The following ANKFN1 variants were observed in gnomAD, a reference collection of about 807,000 sequenced individuals.
ANKFN1 encodes ankyrin repeat and fibronectin type III domain containing 1, also known as ankyrin repeat and fibronectin type-III domain-containing protein 1.
ANKFN1 carries 74 observed loss-of-function variants against 108.7 expected under a neutral mutation model. That is an observed-to-expected ratio of 0.68 (90% confidence interval 0.56 to 0.83). The LOEUF (loss-of-function observed/expected upper bound fraction) is 0.83. Among genes scored for constraint, ANKFN1 ranks in the 40% least tolerant of loss-of-function variants. The pLI is 0.00. For missense variants in ANKFN1, 1,505 were observed against 1,382.3 expected (o/e 1.09, Z -1.41); for synonymous variants, 547 against 516.2 (o/e 1.06, Z -0.81).
At chr17:56,379,808 T>TA (rs1440267413) in intron 8 of ANKFN1, among the ~76,000 whole-genome samples, 14 of 152,374 alleles carry the variant, frequency 9.2e-5, no homozygotes, top group Admixed American at 9.1e-4. Flanking sequence ...AATATTTTTC[T>TA]ATTATGGTTA....
intron 3 of ANKFN1, among the ~76,000 whole-genome samples, chr17:56,294,496 G>A (rs1309710835): frequency 2.0e-5 from 3 of 152,230 alleles, no homozygotes; most frequent in East Asian, 1.9e-4. Context: ...CTCTCAGACT[G>A]CAAGCCTTAG....
chr17:56,153,518 G>T lies in ANKFN1; in HGVS notation c.-83G>T, dbSNP rs779162896. On this transcript the variant is annotated 5_prime_UTR_variant, in exon 1 of 21. Coordinates refer to ENST00000682825, the MANE Select transcript of ANKFN1 (RefSeq NM_001370326.1). ...TCAGTCCTGTGTCTCTCATGGAGGC[G>T]TCTCTAACCAGGGTAGGAAAACAAT... is the stretch of plus-strand genomic sequence containing the variant. 12 of 1,614,006 alleles carry T rather than the reference G, an allele frequency of 7.4e-6. No homozygotes were observed. Among genetic ancestry groups the T allele is most frequent in the Non-Finnish European group, 1.0e-5 (12 of 1,179,964 alleles).
At chr17:56,100,707 A>G (rs561069468) in intron 4 of ANKFN1, among the ~76,000 whole-genome samples, 14 of 152,304 alleles carry the variant, frequency 9.2e-5, no homozygotes, top group African/African-American at 2.9e-4. Flanking sequence ...CCCTTCTCCA[A>G]GCCAAGCTTT....
At chr17:56,271,791 C>A (rs1182580608) in intron 3 of ANKFN1, among the ~76,000 whole-genome samples, 1 of 152,188 alleles carries the variant, frequency 6.6e-6, no homozygotes, top group African/African-American at 2.4e-5. Context: ...GCATCCGGGG[C>A]TGGGTAAGCC....
At chr17:56,472,251 A>AAAT (rs1351929646) in intron 15 of ANKFN1, 1 of 152,220 alleles carries the variant, frequency 6.6e-6, no homozygotes, top group Non-Finnish European at 1.5e-5. Context: ...ATAATTTAGA[A>AAAT]AATAATTCAG....
At chr17:56,424,120 C>G (rs2048488230) in intron 8 of ANKFN1, among the ~76,000 whole-genome samples, 1 of 152,134 alleles carries the variant, frequency 6.6e-6, no homozygotes, top group Non-Finnish European at 1.5e-5. Context: ...TCTGGAGTCC[C>G]ACAGGGTAGA....
intron 4 of ANKFN1, among the ~76,000 whole-genome samples, chr17:56,088,383 A>G (rs979214567): frequency 6.6e-6 from 1 of 151,210 alleles, no homozygotes; most frequent in African/African-American, 2.4e-5. Context: ...AGACAAACTT[A>G]CCAATCTTGC....
chr17:56,208,008 T>A (rs1219268029), intron 1 of ANKFN1, among the ~76,000 whole-genome samples: 4 of 152,132 alleles, frequency 2.6e-5, no homozygotes. Context: ...AGTCAAGATT[T>A]CTATTTTTTC....
intron 2 of ANKFN1, among the ~76,000 whole-genome samples, chr17:56,216,226 A>G (rs1289959229): frequency 6.6e-6 from 1 of 152,254 alleles, no homozygotes; most frequent in Non-Finnish European, 1.5e-5. Flanking sequence ...CAGCTTTCAT[A>G]TTATCCACAG....
intron 2 of ANKFN1, among the ~76,000 whole-genome samples, chr17:56,218,180 C>T (rs1211353596): frequency 6.6e-6 from 1 of 150,760 alleles, no homozygotes; most frequent in African/African-American, 2.5e-5. Context: ...TCTCCTTAGC[C>T]CCTTCTCTCT....
chr17:56,371,587 C>T (rs1277492283), intron 6 of ANKFN1, among the ~76,000 whole-genome samples: 1 of 152,186 alleles, frequency 6.6e-6, no homozygotes, highest in Non-Finnish European at 1.5e-5. Flanking sequence ...CACATTTCAG[C>T]AACAGATCTG....
At chr17:56,167,271 A>ATATATG (rs1910215123) in intron 1 of ANKFN1, among the ~76,000 whole-genome samples, 1 of 37,010 alleles carries the variant, frequency 2.7e-5, no homozygotes, top group African/African-American at 8.1e-5. Context: ...GTATATATAT[A>ATATATG]TACATATATA....
chr17:56,260,210 A>G (rs1181351223), intron 3 of ANKFN1, among the ~76,000 whole-genome samples: 1 of 152,224 alleles, frequency 6.6e-6, no homozygotes. Flanking sequence ...AAGAAAGCTC[A>G]TATTCATTTC....
chr17:56,118,315 T>C (rs1024652814), intron 4 of ANKFN1, among the ~76,000 whole-genome samples: 2 of 152,178 alleles, frequency 1.3e-5, no homozygotes, highest in Non-Finnish European at 2.9e-5. Context: ...TCTAAACTGA[T>C]CTCAAAAGTA....
intron 8 of ANKFN1, 48 bp downstream of exon 8, chr17:56,374,762 C>T (rs779253878): frequency 3.5e-6 from 5 of 1,438,476 alleles, no homozygotes; most frequent in African/African-American, 1.4e-5. Context: ...AAAAAAGCAT[C>T]TGCTGTTTGA....
At position 56,511,147 on chromosome 17, in the gene ANKFN1, T is replaced by C. The variant is rs1003247146; in HGVS notation, c.3319T>C (p.Trp1107Arg). 8 of 1,535,960 alleles carry C rather than the reference T, an allele frequency of 5.2e-6. No individual in the cohort carries two copies. The East Asian group carries it at 2.0e-4, about 38-fold the overall frequency. The part of the protein sequence containing the change: ...AAVVAQDEKP[W>R]ASLSPPSGGR... ...CGTGGTGGCCCAGGACGAAAAACCA[T>C]GGGCAAGCTTGAGCCCGCCCTCTGG... Residue 1107 changes from tryptophan to arginine, a missense_variant, in exon 21 of 21, where the codon TGG becomes CGG. Transcript: ENST00000682825.
At chr17:56,280,783 C>CA (rs1007463652) in intron 3 of ANKFN1, among the ~76,000 whole-genome samples, 4 of 151,872 alleles carry the variant, frequency 2.6e-5, no homozygotes, top group African/African-American at 9.7e-5. Context: ...AGCAATCTTG[C>CA]AAAAAAAGAA....
At chr17:56,318,008 T>C (rs1389135431) in intron 3 of ANKFN1, among the ~76,000 whole-genome samples, 2 of 152,206 alleles carry the variant, frequency 1.3e-5, no homozygotes, top group African/African-American at 4.8e-5. Flanking sequence ...GGAAATAGCA[T>C]TGCCTTGTTC....
At chr17:56,114,051 A>G (rs1388471277) in intron 4 of ANKFN1, among the ~76,000 whole-genome samples, 1 of 152,204 alleles carries the variant, frequency 6.6e-6, no homozygotes, top group Admixed American at 6.5e-5. Flanking sequence ...TTTACCTAAG[A>G]TTATACAGCT....
Sources: allele counts gnomAD v4.1 joint callset (sites outside exome capture counted in the v4.1 genomes callset), GRCh38; gene constraint gnomAD v4.1.1; transcripts MANE v1.5; gene names NCBI Gene and HGNC (gene_info 2026-07-23, HGNC 2026-07-21).